RAB2A: variants seen among roughly 807,000 people sequenced by gnomAD.
The protein encoded by RAB2A is ras-related protein Rab-2A.
A neutral mutation model predicts 32.5 loss-of-function variants in RAB2A; 7 were observed. That is an observed-to-expected ratio of 0.22 (90% confidence interval 0.12 to 0.40). The LOEUF is 0.40. RAB2A is among the 10% of genes least tolerant of loss of function. RAB2A has a pLI of 1.00. For synonymous variants in RAB2A, 79 were observed against 85.2 expected, an observed-to-expected ratio of 0.93 and a Z score of 0.40; for missense variants, 108 against 260.7, an observed-to-expected ratio of 0.41 and a Z score of 4.03.
chr8:60,547,384 C>G (rs1807749329), intron 1 of RAB2A, among the ~76,000 whole-genome samples: 1 of 152,246 alleles, frequency 6.6e-6, no homozygotes, highest in African/African-American at 2.4e-5. Context: ...CCATTGTCAT[C>G]ATGGCCCGTT....
intron 1 of RAB2A, among the ~76,000 whole-genome samples, chr8:60,547,292 A>G (rs183382003): frequency 2.0e-4 from 30 of 152,256 alleles, no homozygotes; most frequent in African/African-American, 6.7e-4. Flanking sequence ...TCCCCTGTCT[A>G]CCTCTTTCTA....
chr8:60,523,739 A>G (rs574054671), intron 1 of RAB2A, among the ~76,000 whole-genome samples: 1 of 143,802 alleles, frequency 7.0e-6, no homozygotes, highest in South Asian at 2.2e-4. Context: ...CGCCCAGGCT[A>G]GAGTGCAGTG....
At position 60,517,213 on chromosome 8, in the gene RAB2A, G is replaced by A. The variant is rs1407070807; in HGVS notation, c.6G>A (p.Ala2=). The A allele has an allele frequency of 1.3e-6, 2 of 1,488,510 alleles. No individual in the cohort carries two copies. Among genetic ancestry groups the A allele is most frequent in the South Asian group, 2.6e-5 (2 of 78,040 alleles). The allele number at this position is 1,488,510 out of a possible 1,614,324, so 92.2% of individuals were successfully genotyped here. M[A]YAYLFKYIII... ...GGCACTGAGCGGCCGCGGCCATGGCGTACGCCTATCTCTTCAAGTACATCA... is the reference window on the plus strand; with the variant it reads ...GGCACTGAGCGGCCGCGGCCATGGCATACGCCTATCTCTTCAAGTACATCA... Residue 2 remains alanine, a synonymous_variant, in exon 1 of 8, where the codon GCG becomes GCA. Transcript: ENST00000262646.
At chr8:60,575,597 T>G (rs1400981451) in intron 3 of RAB2A, among the ~76,000 whole-genome samples, 1 of 152,018 alleles carries the variant, frequency 6.6e-6, no homozygotes, top group Non-Finnish European at 1.5e-5. Context: ...ATGTTATTAT[T>G]TGTTTTATCA....
At chr8:60,588,551 T>C (rs1323357351) in intron 5 of RAB2A, among the ~76,000 whole-genome samples, 2 of 152,136 alleles carry the variant, frequency 1.3e-5, no homozygotes, top group East Asian at 3.8e-4. Context: ...ATTCTCAAAA[T>C]AATTACAGAG....
At chr8:60,579,230 A>G (rs1032870548) in intron 3 of RAB2A, among the ~76,000 whole-genome samples, 6 of 152,126 alleles carry the variant, frequency 3.9e-5, no homozygotes, top group Non-Finnish European at 7.3e-5. Flanking sequence ...TTTTGTAGAG[A>G]CGGGGTTTCA....
intron 6 of RAB2A, among the ~76,000 whole-genome samples, chr8:60,615,433 A>C (rs912572529): frequency 2.0e-5 from 3 of 152,214 alleles, no homozygotes; most frequent in Non-Finnish European, 4.4e-5. Context: ...GTATTTTTGT[A>C]CATTATATAT....
intron 1 of RAB2A, among the ~76,000 whole-genome samples, chr8:60,551,554 A>G (rs1034495427): frequency 6.6e-6 from 1 of 152,258 alleles, no homozygotes; most frequent in African/African-American, 2.4e-5. Flanking sequence ...CTTACAGGTT[A>G]GGAAACTGAG....
chr8:60,540,214 C>T (rs757855709), intron 1 of RAB2A, among the ~76,000 whole-genome samples: 2 of 150,058 alleles, frequency 1.3e-5, no homozygotes, highest in Admixed American at 6.7e-5. Flanking sequence ...CTCATCCATT[C>T]CTGGTGCAGT....
intron 1 of RAB2A, among the ~76,000 whole-genome samples, chr8:60,544,357 A>G (rs1344029942): frequency 6.6e-6 from 1 of 151,328 alleles, no homozygotes; most frequent in Non-Finnish European, 1.5e-5. Flanking sequence ...ATTTTTTAAA[A>G]TATATATTTA....
At chr8:60,530,857 A>G (rs749671627) in intron 1 of RAB2A, among the ~76,000 whole-genome samples, 1 of 151,390 alleles carries the variant, frequency 6.6e-6, no homozygotes, top group Non-Finnish European at 1.5e-5. Flanking sequence ...ACAGGAAACA[A>G]TGTGGTAGAT....
chr8:60,617,848 A>G (rs1047741745), intron 6 of RAB2A, among the ~76,000 whole-genome samples: 2 of 152,210 alleles, frequency 1.3e-5, no homozygotes, highest in Non-Finnish European at 2.9e-5. Flanking sequence ...CCCAAAAAGA[A>G]ACCTCATACT....
At chr8:60,558,371 G>T (rs1444240508) in intron 1 of RAB2A, 2 of 475,658 alleles carry the variant, frequency 4.2e-6, no homozygotes. Flanking sequence ...GATTCCATTT[G>T]CTTGTGAAAT....
At chr8:60,613,177 A>T (rs1336765891) in intron 6 of RAB2A, among the ~76,000 whole-genome samples, 1 of 152,166 alleles carries the variant, frequency 6.6e-6, no homozygotes, top group Admixed American at 6.5e-5. Context: ...TTTAATCAAG[A>T]TATATGAATT....
intron 3 of RAB2A, among the ~76,000 whole-genome samples, chr8:60,578,388 G>C (rs1425364400): frequency 2.0e-5 from 3 of 152,212 alleles, no homozygotes; most frequent in Non-Finnish European, 4.4e-5. Context: ...TGGTAGACAA[G>C]CTTTCCCAGC....
intron 1 of RAB2A, among the ~76,000 whole-genome samples, chr8:60,528,378 T>TA (rs1161242457): frequency 6.6e-6 from 1 of 152,250 alleles, no homozygotes; most frequent in Admixed American, 6.5e-5. Context: ...CTTTGAATGT[T>TA]ACAATAATTT....
At chr8:60,534,061 C>T (rs761021351) in intron 1 of RAB2A, among the ~76,000 whole-genome samples, 1 of 152,090 alleles carries the variant, frequency 6.6e-6, no homozygotes, top group Non-Finnish European at 1.5e-5. Flanking sequence ...CTGTCCCACC[C>T]TACAGAGAAG....
chr8:60,520,781 A>G (rs1357161718), intron 1 of RAB2A, among the ~76,000 whole-genome samples: 1 of 152,104 alleles, frequency 6.6e-6, no homozygotes, highest in African/African-American at 2.4e-5. Flanking sequence ...TCTTATGTAT[A>G]TACCCACCAC....
intron 6 of RAB2A, among the ~76,000 whole-genome samples, chr8:60,617,906 C>T (rs1804473714): frequency 1.3e-5 from 2 of 152,158 alleles, no homozygotes; most frequent in Admixed American, 6.5e-5. Context: ...TTCTGGCAAC[C>T]AGTAATCTAC....
Sources: gnomAD v4.1 joint callset for allele counts (sites outside exome capture counted in the v4.1 genomes callset) on GRCh38, gnomAD v4.1.1 for gene constraint, MANE v1.5 for transcripts, NCBI Gene and HGNC (gene_info 2026-07-23, HGNC 2026-07-21) for gene names.